The following LARGE1 variants were observed in gnomAD, a reference collection of about 807,000 sequenced individuals.
LARGE1 encodes LARGE xylosyl- and glucuronyltransferase 1, also known as xylosyl- and glucuronyltransferase LARGE1.
In LARGE1, 43 loss-of-function variants were observed where a neutral mutation model predicts 87.6. The ratio of observed to expected loss-of-function variants is 0.49; its 90% confidence interval spans 0.38 to 0.63. The LOEUF is 0.63. Among genes scored for constraint, LARGE1 ranks in the 30% least tolerant of loss-of-function variants. The probability of loss-of-function intolerance (pLI) is 0.00; values close to 1 mark genes in which losing one functional copy is unlikely to be tolerated. For missense variants in LARGE1, 802 were observed against 1,000.2 expected (o/e 0.80, Z 2.67); for synonymous variants, 434 against 394.6 (o/e 1.10, Z -1.18).
At chr22:33,179,257 A>G (rs1322354405) in intron 11 of LARGE1, among the ~76,000 whole-genome samples, 2 of 152,218 alleles carry the variant, frequency 1.3e-5, no homozygotes, top group Non-Finnish European at 2.9e-5. Flanking sequence ...GCTGTGAAGG[A>G]GCTATTCTAA....
chr22:33,109,091 C>A, the LARGE1 span: 3 of 152,056 alleles, frequency 2.0e-5, no homozygotes, highest in Admixed American at 6.6e-5. Flanking sequence ...CTTTTATTGA[C>A]CCATTTCACA....
intron 7 of LARGE1, among the ~76,000 whole-genome samples, chr22:33,408,187 G>C (rs1484707010): frequency 2.0e-5 from 3 of 151,998 alleles, no homozygotes; most frequent in African/African-American, 7.3e-5. Flanking sequence ...GTTTTGCCAT[G>C]TTGGCCAGGA....
At chr22:33,542,162 C>CAAAAAA (rs150998193) in intron 6 of LARGE1, among the ~76,000 whole-genome samples, 1 of 92,670 alleles carries the variant, frequency 1.1e-5, no homozygotes, top group Non-Finnish European at 2.0e-5. Flanking sequence ...AACTCTGTCT[C>CAAAAAA]AAAAAAAAAA....
At chr22:33,155,135 T>G in the LARGE1 span, among the ~76,000 whole-genome samples, 1 of 152,102 alleles carries the variant, frequency 6.6e-6, no homozygotes, top group South Asian at 2.1e-4. Context: ...ATTTACTGTA[T>G]CAGAAAATGG....
intron 1 of LARGE1, among the ~76,000 whole-genome samples, chr22:33,897,050 T>C (rs1030382917): frequency 3.3e-5 from 5 of 152,158 alleles, no homozygotes; most frequent in African/African-American, 1.2e-4. Flanking sequence ...CACCCCAACG[T>C]TAGCAGATCA....
At chr22:33,708,245 T>TGGAG (rs1293722418) in intron 2 of LARGE1, among the ~76,000 whole-genome samples, 14 of 147,372 alleles carry the variant, frequency 9.5e-5, no homozygotes, top group African/African-American at 2.5e-4. Flanking sequence ...GAGCTGCTAT[T>TGGAG]GGAGGGAGGG....
intron 1 of LARGE1, among the ~76,000 whole-genome samples, chr22:33,879,835 C>A (rs2064614486): frequency 6.6e-6 from 1 of 152,232 alleles, no homozygotes; most frequent in Admixed American, 6.5e-5. Flanking sequence ...ATGTAGGTAT[C>A]TTCGGCTCCT....
chr22:33,567,520 T>A (rs1282533382), intron 5 of LARGE1, among the ~76,000 whole-genome samples: 1 of 152,206 alleles, frequency 6.6e-6, no homozygotes. Flanking sequence ...TAGATTCTAG[T>A]ATCATCACTT....
chr22:33,435,084 C>T (rs1379740275), intron 6 of LARGE1, among the ~76,000 whole-genome samples: 3 of 152,322 alleles, frequency 2.0e-5, no homozygotes, highest in African/African-American at 4.8e-5. Flanking sequence ...TCACTGCAAC[C>T]TTCGCCTCCC....
chr22:33,299,574 T>C (rs1602302558), intron 12 of LARGE1, among the ~76,000 whole-genome samples: 1 of 151,930 alleles, frequency 6.6e-6, no homozygotes, highest in Non-Finnish European at 1.5e-5. Flanking sequence ...ATGGCGGGGG[T>C]TGGGTTGGGG....
At position 33,273,707 on chromosome 22, in the gene LARGE1, A is replaced by T. The variant is rs994251899; in HGVS notation, c.*720T>A. 1 of 398,674 alleles carries T rather than the reference A, an allele frequency of 2.5e-6. No individual in the cohort carries two copies. Among genetic ancestry groups the T allele is most frequent in the Non-Finnish European group, 4.4e-6 (1 of 226,630 alleles). 24.7% of individuals were successfully genotyped at this position (398,674 alleles called of 1,614,324 possible). A position where few individuals can be genotyped will look rare whatever the true frequency, so the allele number is the denominator to read the frequency against. On this transcript the variant is annotated 3_prime_UTR_variant, in exon 15 of 15. Transcript: ENST00000397394. Reference sequence around the variant, plus strand: ...TGACCTCCTTCCTGGGCCACTGCTGATAGAGGGTGGTTGGTAGAGGCAGCT... The same window carrying T: ...TGACCTCCTTCCTGGGCCACTGCTGTTAGAGGGTGGTTGGTAGAGGCAGCT...
chr22:33,669,674 G>C (rs999111668), intron 2 of LARGE1, among the ~76,000 whole-genome samples: 1 of 152,204 alleles, frequency 6.6e-6, no homozygotes, highest in Non-Finnish European at 1.5e-5. Context: ...CCTGTGACTG[G>C]AGCTGCGCCA....
rs1602190224 is a variant in LARGE1 at position 33,274,609 on chromosome 22, C to A, written c.2089G>T (p.Val697Leu). The A allele has an allele frequency of 6.2e-7, 1 of 1,614,080 alleles. No individual in the cohort carries two copies. Among genetic ancestry groups the A allele is most frequent in the Non-Finnish European group, 8.5e-7 (1 of 1,179,994 alleles). The change falls in exon 15 of 15, where the codon GTG (valine) becomes TTG (leucine). Residue 697 changes from valine to leucine, a missense_variant. Val to Leu is a conservative substitution (Grantham distance 32). This residue lies in a region of LARGE1 where 625 missense variants were observed against 841.9 expected (regional missense o/e 0.74). Coordinates refer to ENST00000397394, the MANE Select transcript of LARGE1 (RefSeq NM_133642.5). ...TGGATCATGTAGGCGTTGGGCAGCA[C>A]AATGAACTCATACTCCTGGAAGAAG... ...ELDVQEYEFI[V>L]LPNAYMIHMP... is the part of the protein sequence containing the mutation.
chr22:33,302,014 C>T (rs1934213337), intron 12 of LARGE1, among the ~76,000 whole-genome samples: 1 of 152,212 alleles, frequency 6.6e-6, no homozygotes, highest in Non-Finnish European at 1.5e-5. Context: ...TTTCAATTGG[C>T]TGGAGCGAAG....
chr22:33,814,156 G>T (rs2086581421), intron 1 of LARGE1, among the ~76,000 whole-genome samples: 1 of 152,048 alleles, frequency 6.6e-6, no homozygotes, highest in Non-Finnish European at 1.5e-5. Flanking sequence ...ATTCCAGAAT[G>T]CTCTCCAAGA....
intron 1 of LARGE1, among the ~76,000 whole-genome samples, chr22:33,899,864 T>C (rs1461618524): frequency 6.6e-6 from 1 of 152,226 alleles, no homozygotes; most frequent in Non-Finnish European, 1.5e-5. Context: ...ATGTATATAT[T>C]CAGACAGCAA....
chr22:33,486,536 G>GA (rs2069582863), intron 6 of LARGE1, among the ~76,000 whole-genome samples: 1 of 152,138 alleles, frequency 6.6e-6, no homozygotes, highest in African/African-American at 2.4e-5. Context: ...GAGACAGAGA[G>GA]AGAGAGAGAG....
intron 1 of LARGE1, among the ~76,000 whole-genome samples, chr22:33,888,051 A>C (rs1290486133): frequency 1.3e-5 from 2 of 152,096 alleles, no homozygotes; most frequent in Non-Finnish European, 2.9e-5. Flanking sequence ...TTCCTTCCCA[A>C]TGTGGACAAC....
intron 10 of LARGE1, among the ~76,000 whole-genome samples, chr22:33,328,284 C>CTTCTATTTCA (rs1319211753): frequency 6.6e-6 from 1 of 152,160 alleles, no homozygotes. Context: ...CTTCTATTTC[C>CTTCTATTTCA]TTCTGTATAA....
Sources: allele counts gnomAD v4.1 joint callset (sites outside exome capture counted in the v4.1 genomes callset), GRCh38; gene constraint gnomAD v4.1.1; regional missense constraint gnomAD v4.1.1; transcripts MANE v1.5; gene names NCBI Gene and HGNC (gene_info 2026-07-23, HGNC 2026-07-21).